LMNB2: variants seen among roughly 807,000 people sequenced by gnomAD.
The protein encoded by LMNB2 is lamin B2, also known as lamin-B2.
Under a neutral mutation model 69.3 loss-of-function variants are expected in LMNB2, and 17 were observed. The observed-to-expected ratio is 0.25, with a 90% CI of 0.17 to 0.37. The LOEUF (loss-of-function observed/expected upper bound fraction) is 0.37, where lower values mean the gene tolerates loss of function less well. Ranked by LOEUF, LMNB2 falls within the 10% of genes least tolerant of loss-of-function variation. The pLI is 1.00. For missense variants in LMNB2, 789 were observed against 883.6 expected, an observed-to-expected ratio of 0.89 and a Z score of 1.36; for synonymous variants, 397 against 389.3, an observed-to-expected ratio of 1.02 and a Z score of -0.23.
At chr19:2,430,977 C>G (rs372834607) in intron 11 of LMNB2, 25 bp from the exon 12 acceptor site, 14 of 1,584,688 alleles carry the variant, frequency 8.8e-6, no homozygotes, top group Non-Finnish European at 1.2e-5. Context: ...GAAGGAAGGT[C>G]GGCCATGATC....
chr19:2,446,755 C>T (rs1382541838), intron 1 of LMNB2, among the ~76,000 whole-genome samples: 1 of 152,152 alleles, frequency 6.6e-6, no homozygotes, highest in Non-Finnish European at 1.5e-5. Flanking sequence ...CAGGGGCTCC[C>T]CCAAGAGTCA....
chr19:2,447,043 C>A lies in LMNB2; in HGVS notation c.265-2503G>T, dbSNP rs2145466408. Among the ~76,000 whole-genome samples, 1 of 151,766 alleles carries A rather than the reference C, an allele frequency of 6.6e-6. No homozygotes were observed. Among genetic ancestry groups the A allele is most frequent in the South Asian group, 2.1e-4 (1 of 4,794 alleles). On this transcript the variant is annotated intron_variant, in intron 1 of 11. Transcript: ENST00000325327. The surrounding 1 kb of genome is among the most constrained non-coding windows in gnomAD (Gnocchi z 4.4). ...CCTGTGGTCCCAGCTACTTGGGAGG[C>A]TGAGGCAGGAGAATGGCATGAACCC... is the stretch of plus-strand genomic sequence containing the variant.
chr19:2,438,564 G>A (rs896535817), intron 2 of LMNB2, 33 bp from the exon 3 acceptor site: 2 of 1,601,658 alleles, frequency 1.2e-6, no homozygotes, highest in East Asian at 4.5e-5. Flanking sequence ...AGTGGGGAGG[G>A]GCAAGGTCCA....
rs948857903 is a variant in LMNB2, at chr19:2,434,191, C to T, written c.1203-86G>A. 35 of 1,541,062 alleles carry T rather than the reference C, an allele frequency of 2.3e-5. No individual in the cohort carries two copies. The East Asian group carries it at 5.1e-4, about 22-fold the overall frequency. On this transcript the variant is annotated intron_variant, in intron 7 of 11. Transcript: ENST00000325327. ...CAGAGTGGCGGCCACGGCCCGGCCC[C>T]ACCTCCACCCCTGCCCAGCACTCCC...
chr19:2,431,032 C>G, intron 11 of LMNB2, 80 bp from the exon 12 acceptor site: 1 of 867,064 alleles, frequency 1.2e-6, no homozygotes, highest in East Asian at 2.4e-5. Context: ...CTGCCCCCAC[C>G]TCCCCACCAG....
At chr19:2,450,514 A>C (rs1343532973) in intron 1 of LMNB2, among the ~76,000 whole-genome samples, 1 of 151,968 alleles carries the variant, frequency 6.6e-6, no homozygotes, top group Admixed American at 6.6e-5. Context: ...GGCATGAGCC[A>C]CCGCACCTGG....
In LMNB2 at chr19:2,442,486, T is replaced by A. The variant is rs772165882; in HGVS notation, c.401+1918A>T. Among the ~76,000 whole-genome samples, 4 of 151,972 alleles carry A rather than the reference T, an allele frequency of 2.6e-5. No individual in the cohort carries two copies. In the East Asian group the frequency reaches 7.7e-4, roughly 29 times the overall value. On this transcript the variant is annotated intron_variant, in intron 2 of 11. Coordinates refer to ENST00000325327, the MANE Select transcript of LMNB2 (RefSeq NM_032737.4). ...CAGGAGGCTGAGGCAGGAGAATCGT[T>A]TGAATTTGGGAGGTGGATGTTGCAG...
Position 2,435,070 on chromosome 19 carries a change from C to A in LMNB2, c.786G>T (p.Glu262Asp). ...CTTGCTCGTCGTGCTGGCTCCGCAG[C>A]TCCTCCAGCGCCTGTGCCATCTTGA... ...YDFKMAQALE[E>D]LRSQHDEQVR... Residue 262 changes from glutamate to aspartate, a missense_variant, in exon 5 of 12, where the codon GAG becomes GAT. Physicochemically the swap from Glu to Asp is conservative, Grantham distance 45. Around this residue, in one of 3 missense-constraint regions of LMNB2, gnomAD observed 609 missense variants for 630.9 expected, o/e 0.97. Coordinates refer to ENST00000325327, the MANE Select transcript of LMNB2 (RefSeq NM_032737.4). The A allele has an allele frequency of 6.2e-7, 1 of 1,610,872 alleles. No homozygotes were observed. The highest frequency in any genetic ancestry group is 8.5e-7 in the Non-Finnish European group (1 of 1,179,754).
chr19:2,438,465 G>C lies in LMNB2; in HGVS notation c.468C>G (p.Phe156Leu). Reference protein sequence around the residue: ...QGRVKDLESLFHRSEVELAAA... With the variant: ...QGRVKDLESLLHRSEVELAAA... ...CTGCCAGCTCCACCTCGCTCCGGTG[G>C]AACAGGGACTCCAGGTCCTTCACAC... The change falls in exon 3 of 12, where the codon TTC becomes TTG. Residue 156 changes from phenylalanine (F) to leucine (L), a missense_variant. By Grantham distance (22) the Phe-to-Leu change is conservative. This residue lies in a region of LMNB2 where 145 missense variants were observed against 228.9 expected (regional missense o/e 0.63). Coordinates refer to ENST00000325327, the MANE Select transcript of LMNB2 (RefSeq NM_032737.4). The C allele has an allele frequency of 1.2e-6, 2 of 1,612,206 alleles. No homozygotes were observed. Among genetic ancestry groups the C allele is most frequent in the Non-Finnish European group, 8.5e-7 (1 of 1,179,872 alleles).
intron 1 of LMNB2, among the ~76,000 whole-genome samples, chr19:2,454,773 C>A (rs935709601): frequency 6.6e-6 from 1 of 152,114 alleles, no homozygotes; most frequent in African/African-American, 2.4e-5. Flanking sequence ...CCTGCCTGCC[C>A]CCCGTTCTGG....
Position 2,453,853 on chromosome 19 carries a change from A to G in LMNB2, c.264+2817T>C, listed in dbSNP as rs995912472. On this transcript the variant is annotated intron_variant, in intron 1 of 11. Coordinates refer to ENST00000325327, the MANE Select transcript of LMNB2 (RefSeq NM_032737.4). This position sits in a 1 kb window ranked among gnomAD's most constrained non-coding sequence, Gnocchi z 4.4. Reference sequence around the variant, plus strand: ...GTCCCATTGGCAGGTGGGATAACAGAGGCCCAAAGACAAGAAACCAGCTCT... The same window carrying G: ...GTCCCATTGGCAGGTGGGATAACAGGGGCCCAAAGACAAGAAACCAGCTCT... 2.6e-5 allele frequency among the ~76,000 whole-genome samples: 4 copies of G among 152,158 alleles called. No individual in the cohort carries two copies. The highest frequency in any genetic ancestry group is 9.7e-5 in the African/African-American group (4 of 41,430).
chr19:2,430,828 C>G lies in LMNB2; in HGVS notation c.*83G>C. ...GCTTAGAAATTCTCTAGAAATGTAT[C>G]AAGAACTAAAGAAAGCCAATGATAT... is the stretch of plus-strand genomic sequence containing the variant. On this transcript the variant is annotated 3_prime_UTR_variant, in exon 12 of 12. Transcript: ENST00000325327. 1 of 954,618 alleles carries G rather than the reference C, an allele frequency of 1.0e-6. No individual in the cohort carries two copies. The highest frequency in any genetic ancestry group is 1.3e-5 in the South Asian group (1 of 77,936). 59.1% of individuals were successfully genotyped at this position (954,618 alleles called of 1,614,324 possible).
chr19:2,438,094 C>T (rs1971849201), intron 4 of LMNB2, 69 bp downstream of exon 4: 1 of 1,605,066 alleles, frequency 6.2e-7, no homozygotes, highest in African/African-American at 1.3e-5. Context: ...AGGCTTCCGC[C>T]CTCCACAGCC....
intron 1 of LMNB2, among the ~76,000 whole-genome samples, chr19:2,449,580 G>C (rs1417281729): frequency 6.6e-6 from 1 of 152,134 alleles, no homozygotes; most frequent in East Asian, 1.9e-4. Flanking sequence ...AGCAGTTCGA[G>C]ACCAGCCTGG....
chr19:2,437,806 A>AAAAAAAAAAAAAAG (rs1568203831), intron 4 of LMNB2, among the ~76,000 whole-genome samples: 2 of 151,794 alleles, frequency 1.3e-5, no homozygotes, highest in African/African-American at 4.9e-5. Flanking sequence ...TCTCAAAAAA[A>AAAAAAAAAAAAAAG]GACGTGCCCA....
chr19:2,456,850 G>A lies in LMNB2; in HGVS notation c.84C>T (p.Arg28=), dbSNP rs760981938. ...ACAGCGGCGTGGCGGGCCCGCCCGC[G>A]CGGCCGGGCAGCGGCGTGGCCATGG... ...AATMATPLPG[R]AGGPATPLSP... The change falls in exon 1 of 12, where the codon CGC becomes CGT. Residue 28 remains arginine (R), a synonymous_variant. Transcript: ENST00000325327. 3.6e-5 allele frequency: 46 copies of A among 1,288,558 alleles called. 1 individual carries two copies. Among genetic ancestry groups the A allele is most frequent in the Middle Eastern group, 6.1e-4 (2 of 3,302 alleles). The allele number at this position is 1,288,558 out of a possible 1,614,324, so 79.8% of individuals were successfully genotyped here. A position where few individuals can be genotyped will look rare whatever the true frequency, so the allele number is the denominator to read the frequency against.
In LMNB2 at chr19:2,447,558, G is replaced by A. The variant is rs932542981; in HGVS notation, c.265-3018C>T. On this transcript the variant is annotated intron_variant, in intron 1 of 11. Transcript: ENST00000325327. The surrounding 1 kb of genome is among the most constrained non-coding windows in gnomAD (Gnocchi z 4.4). ...CGGGTGAGCTGGGTGAACCTTATGA[G>A]GCGGGAATTAACTGCTCCGGCTCTG... Among the ~76,000 whole-genome samples, 1 of 152,198 alleles carries A rather than the reference G, an allele frequency of 6.6e-6. No homozygotes were observed. The highest frequency in any genetic ancestry group is 1.5e-5 in the Non-Finnish European group (1 of 68,026).
intron 11 of LMNB2, 26 bp from the exon 12 acceptor site, chr19:2,430,978 G>C (rs371799202): frequency 1.9e-6 from 3 of 1,587,426 alleles, no homozygotes; most frequent in South Asian, 1.1e-5. Flanking sequence ...AAGGAAGGTC[G>C]GCCATGATCA....
At chr19:2,439,035 CTTTT>C (rs397945879) in intron 2 of LMNB2, among the ~76,000 whole-genome samples, 7 of 65,706 alleles carry the variant, frequency 1.1e-4, no homozygotes, top group African/African-American at 2.6e-4. Flanking sequence ...GGCACTTAAG[CTTTT>C]TTTTTTTTTT....
Sources: gnomAD v4.1 joint callset for allele counts (sites outside exome capture counted in the v4.1 genomes callset) on GRCh38, gnomAD v4.1.1 for gene constraint, gnomAD v4.1.1 regional missense constraint, Gnocchi (gnomAD v3.1) non-coding constraint, MANE v1.5 for transcripts, NCBI Gene and HGNC (gene_info 2026-07-23, HGNC 2026-07-21) for gene names.